CDH12: variants seen among roughly 807,000 people sequenced by gnomAD.
The protein encoded by CDH12 is cadherin-12.
CDH12 carries 41 observed loss-of-function variants against 74.1 expected under a neutral mutation model. The ratio of observed to expected loss-of-function variants is 0.55; its 90% confidence interval spans 0.43 to 0.72. The LOEUF (loss-of-function observed/expected upper bound fraction) is 0.72, where lower values mean the gene tolerates loss of function less well. Among genes scored for constraint, CDH12 ranks in the 30% least tolerant of loss-of-function variants. The probability of loss-of-function intolerance (pLI) is 0.00; values close to 1 mark genes in which losing one functional copy is unlikely to be tolerated. For synonymous variants in CDH12, 399 were observed against 355.0 expected (o/e 1.12, Z -1.39); for missense variants, 945 against 977.2 (o/e 0.97, Z 0.44).
chr5:22,825,572 G>T (rs573154487), intron 1 of CDH12, among the ~76,000 whole-genome samples: 14 of 152,320 alleles, frequency 9.2e-5, no homozygotes, highest in African/African-American at 3.4e-4. Context: ...TTGGCCAAAT[G>T]TGAGTGAGTA....
At chr5:21,978,334 G>A (rs1438680271) in intron 5 of CDH12, among the ~76,000 whole-genome samples, 1 of 152,064 alleles carries the variant, frequency 6.6e-6, no homozygotes, top group East Asian at 1.9e-4. Flanking sequence ...ATAGAGACAG[G>A]GTTTCACCAT....
chr5:22,535,158 C>CCT (rs1737781439), intron 1 of CDH12, among the ~76,000 whole-genome samples: 1 of 75,398 alleles, frequency 1.3e-5, no homozygotes, highest in South Asian at 4.8e-4. Context: ...TTTTTTTTTT[C>CCT]TTTTTTTTTT....
At chr5:21,771,509 A>G (rs143493758) in intron 11 of CDH12, among the ~76,000 whole-genome samples, 1 of 152,102 alleles carries the variant, frequency 6.6e-6, no homozygotes, top group Non-Finnish European at 1.5e-5. Context: ...GGATTCAAAG[A>G]TTTTCTGATG....
intron 1 of CDH12, among the ~76,000 whole-genome samples, chr5:22,644,514 G>GTTTT (rs1176813458): frequency 9.9e-5 from 15 of 152,008 alleles, no homozygotes; most frequent in Non-Finnish European, 1.9e-4. Context: ...AAAAAAGACA[G>GTTTT]ATAAATAAAA....
intron 9 of CDH12, among the ~76,000 whole-genome samples, chr5:21,816,552 G>A (rs1200844161): frequency 7.4e-6 from 1 of 136,028 alleles, no homozygotes; most frequent in Admixed American, 8.0e-5. Flanking sequence ...TTGAAACTGG[G>A]ATGCAGAGTT....
intron 1 of CDH12, among the ~76,000 whole-genome samples, chr5:22,800,706 C>A (rs1000977570): frequency 1.3e-5 from 2 of 152,112 alleles, no homozygotes; most frequent in Admixed American, 6.6e-5. Context: ...TTTCATACCT[C>A]TCTCCTAATT....
chr5:22,546,823 C>T (rs1476907883), intron 1 of CDH12, among the ~76,000 whole-genome samples: 1 of 152,050 alleles, frequency 6.6e-6, no homozygotes, highest in Admixed American at 6.6e-5. Flanking sequence ...TTCTAGGGCC[C>T]CATTTAAAAT....
At chr5:22,049,175 T>C (rs1485466537) in intron 5 of CDH12, among the ~76,000 whole-genome samples, 2 of 152,152 alleles carry the variant, frequency 1.3e-5, no homozygotes, top group African/African-American at 2.4e-5. Context: ...TACATACATA[T>C]GCTGGTGTTG....
intron 5 of CDH12, among the ~76,000 whole-genome samples, chr5:22,045,153 AAAG>A (rs1378635071): frequency 6.6e-6 from 1 of 152,206 alleles, no homozygotes; most frequent in Non-Finnish European, 1.5e-5. Context: ...TTATTTTTTA[AAAG>A]AAGACATATA....
At chr5:22,553,988 C>T (rs1738686734) in intron 1 of CDH12, among the ~76,000 whole-genome samples, 1 of 151,946 alleles carries the variant, frequency 6.6e-6, no homozygotes, top group Non-Finnish European at 1.5e-5. Flanking sequence ...TTAAGAAAAC[C>T]CTGAATTGAA....
At chr5:22,205,276 G>A (rs2150357856) in intron 4 of CDH12, among the ~76,000 whole-genome samples, 1 of 152,242 alleles carries the variant, frequency 6.6e-6, no homozygotes, top group South Asian at 2.1e-4. Flanking sequence ...TAGGTACTGA[G>A]TTGCAGCTTT....
chr5:22,475,243 G>C (rs1007945123), intron 2 of CDH12, among the ~76,000 whole-genome samples: 3 of 151,690 alleles, frequency 2.0e-5, no homozygotes, highest in Non-Finnish European at 4.4e-5. Context: ...TAGAATGATT[G>C]TAAATGTCTT....
intron 1 of CDH12, among the ~76,000 whole-genome samples, chr5:22,659,526 C>G (rs10042849): frequency 0.53 from 80,224 of 151,840 alleles, 21,841 homozygotes; most frequent in Non-Finnish European, 0.59. Context: ...TACCTATGTA[C>G]TGTGCACATA....
At chr5:22,096,404 C>G (rs1333470011) in intron 4 of CDH12, among the ~76,000 whole-genome samples, 1 of 152,102 alleles carries the variant, frequency 6.6e-6, no homozygotes, top group Non-Finnish European at 1.5e-5. Flanking sequence ...TTCCTTCCCT[C>G]CCGCCGGTCC....
At chr5:22,443,873 C>A (rs1744718336) in intron 2 of CDH12, among the ~76,000 whole-genome samples, 1 of 151,910 alleles carries the variant, frequency 6.6e-6, no homozygotes, top group Non-Finnish European at 1.5e-5. Context: ...AAAGCATACA[C>A]ATGTGTATAT....
intron 1 of CDH12, among the ~76,000 whole-genome samples, chr5:22,831,559 A>G (rs1303214837): frequency 6.6e-6 from 1 of 152,110 alleles, no homozygotes; most frequent in African/African-American, 2.4e-5. Context: ...AATTATAAAA[A>G]CAAAAACCAG....
intron 5 of CDH12, among the ~76,000 whole-genome samples, chr5:22,043,877 G>A (rs10076090): frequency 0.32 from 49,054 of 151,786 alleles, 9,699 homozygotes; most frequent in African/African-American, 0.57. Context: ...AATAAATTTA[G>A]CCATGAAGGA....
intron 1 of CDH12, among the ~76,000 whole-genome samples, chr5:22,570,764 T>C (rs78143941): frequency 0.046 from 6,980 of 152,294 alleles, 225 homozygotes; most frequent in Middle Eastern, 0.085. Flanking sequence ...AGTCTGTCCT[T>C]TGAAATTTTG....
At chr5:22,163,575 T>C (rs1265969020) in intron 4 of CDH12, among the ~76,000 whole-genome samples, 1 of 152,178 alleles carries the variant, frequency 6.6e-6, no homozygotes, top group Non-Finnish European at 1.5e-5. Flanking sequence ...ACCCATGCCA[T>C]TGGTAGAATA....
Sources: allele counts gnomAD v4.1 joint callset (sites outside exome capture counted in the v4.1 genomes callset), GRCh38; gene constraint gnomAD v4.1.1; transcripts MANE v1.5; gene names NCBI Gene and HGNC (gene_info 2026-07-23, HGNC 2026-07-21).